The following CREBBP variants were observed in gnomAD, a reference collection of about 807,000 sequenced individuals.
CREBBP encodes CREB-binding protein.
CREBBP carries 19 observed loss-of-function variants against 265.0 expected under a neutral mutation model. The ratio of observed to expected loss-of-function variants is 0.07; its 90% CI spans 0.05 to 0.11. CREBBP has a LOEUF of 0.11. Ranked by LOEUF, CREBBP falls within the 10% of genes least tolerant of loss-of-function variation. The pLI is 1.00. For synonymous variants in CREBBP, 1,457 were observed against 1,223.7 expected (o/e 1.19, Z -3.98); for missense variants, 2,525 against 3,219.0 (o/e 0.78, Z 5.22).
rs1405660058 is a variant in CREBBP at position 3,725,787 on chromosome 16, G to A, written c.*1931C>T. On this transcript the variant is annotated 3_prime_UTR_variant, in exon 31 of 31. Transcript: ENST00000262367. Reference sequence around the variant, plus strand: ...AGCTATTTAAAACCTATCTGTGAATGTAAGGGCCCAAACGGAAGCTATTTG... The same window carrying A: ...AGCTATTTAAAACCTATCTGTGAATATAAGGGCCCAAACGGAAGCTATTTG... 3.4e-5 allele frequency: 8 copies of A among 233,120 alleles called. No individual in the cohort carries two copies. Among genetic ancestry groups the A allele is most frequent in the Non-Finnish European group, 6.8e-5 (8 of 118,020 alleles). 14.4% of individuals were successfully genotyped at this position (233,120 alleles called of 1,614,324 possible).
chr16:3,805,904 T>C (rs1467563545), intron 3 of CREBBP, among the ~76,000 whole-genome samples: 1 of 152,160 alleles, frequency 6.6e-6, no homozygotes, highest in Non-Finnish European at 1.5e-5. Context: ...TTAAGAATTA[T>C]CTGAGTTATA....
intron 16 of CREBBP, among the ~76,000 whole-genome samples, chr16:3,763,000 TC>T (rs1302809332): frequency 1.3e-5 from 2 of 151,302 alleles, no homozygotes; most frequent in Non-Finnish European, 2.9e-5. Context: ...GGTCTCGATC[TC>T]CCGACCTCGT....
intron 16 of CREBBP, among the ~76,000 whole-genome samples, chr16:3,765,683 T>C (rs2052834160): frequency 6.6e-6 from 1 of 152,182 alleles, no homozygotes; most frequent in Admixed American, 6.5e-5. Context: ...GGCCTCACTC[T>C]GTCACTTAGG....
chr16:3,777,993 A>G lies in CREBBP; in HGVS notation c.2113+18T>C. The G allele has an allele frequency of 6.2e-7, 1 of 1,613,728 alleles. No individual in the cohort carries two copies. The highest frequency in any genetic ancestry group is 8.5e-7 in the Non-Finnish European group (1 of 1,179,574). ...AGGAAACAGGCTAAGGGATGGCAGT[A>G]GGAAATAAAATCCTTACTTGGAGGT... is the stretch of plus-strand genomic sequence containing the variant. On this transcript the variant is annotated intron_variant, in intron 10 of 30. Coordinates refer to ENST00000262367, the MANE Select transcript of CREBBP (RefSeq NM_004380.3).
chr16:3,770,416 G>C (rs1318438988), intron 14 of CREBBP, among the ~76,000 whole-genome samples, 154 bp downstream of exon 14: 1 of 151,898 alleles, frequency 6.6e-6, no homozygotes, highest in Non-Finnish European at 1.5e-5. Context: ...GGATGGTCTT[G>C]AACTCATGGG....
rs147806945 is a variant in CREBBP, at chr16:3,822,904, C to T, written c.799-12125G>A. On this transcript the variant is annotated intron_variant, in intron 2 of 30. Coordinates refer to ENST00000262367, the MANE Select transcript of CREBBP (RefSeq NM_004380.3). The stretch of plus-strand genomic sequence containing the variant: ...GGCTCAGTCCGCTGCAGTCTCTGTG[C>T]CTTGTTTCGAGAGAATACACAGGAA... 2.6e-3 allele frequency among the ~76,000 whole-genome samples: 389 copies of T among 152,236 alleles called. 1 individual carries two copies. The highest frequency in any genetic ancestry group is 8.7e-3 in the African/African-American group (363 of 41,546).
chr16:3,740,933 C>T lies in CREBBP; in HGVS notation c.3983-384G>A, dbSNP rs902891657. ...ATGGCACACCCTCAGTGGGCTCCTC[C>T]TGCCCAGCTCTGAGGAGAAAGTCCC... On this transcript the variant is annotated intron_variant, in intron 23 of 30. Transcript: ENST00000262367. The T allele has an allele frequency of 1.9e-5, 7 of 359,088 alleles. No individual in the cohort carries two copies. In the Admixed American group the frequency reaches 2.3e-4, roughly 12 times the overall value. The allele number at this position is 359,088 out of a possible 1,614,324, so 22.2% of individuals were successfully genotyped here.
chr16:3,763,668 T>C (rs1177868761), intron 16 of CREBBP, among the ~76,000 whole-genome samples: 1 of 152,126 alleles, frequency 6.6e-6, no homozygotes, highest in Admixed American at 6.5e-5. Context: ...TTCGCCATGT[T>C]GGCCAGGCTG....
chr16:3,797,492 ATAAAGTT>A (rs1237746151), intron 3 of CREBBP, among the ~76,000 whole-genome samples: 1 of 152,188 alleles, frequency 6.6e-6, no homozygotes, highest in Admixed American at 6.5e-5. Context: ...CACACCTATG[ATAAAGTT>A]TAATTTATAA....
chr16:3,767,915 G>C lies in CREBBP; in HGVS notation c.3061-6C>G, dbSNP rs370316646. On this transcript the variant is annotated splice_region_variant and splice_polypyrimidine_tract_variant and intron_variant, in intron 15 of 30. Transcript: ENST00000262367. The stretch of plus-strand genomic sequence containing the variant: ...TGCAAATCCTCCTCCATCATCTTGA[G>C]AAAAACATTACAGATAACATATGAA... The C allele has an allele frequency of 6.3e-5, 101 of 1,613,568 alleles. No individual in the cohort carries two copies. Among genetic ancestry groups the C allele is most frequent in the Admixed American group, 8.3e-5 (5 of 59,990 alleles).
chr16:3,756,455 ACTCT>A (rs1052797511), intron 19 of CREBBP, among the ~76,000 whole-genome samples: 3 of 152,012 alleles, frequency 2.0e-5, no homozygotes, highest in Non-Finnish European at 4.4e-5. Context: ...TACTATTCTC[ACTCT>A]CTACCTATTT....
chr16:3,758,380 G>T (rs944915407), intron 17 of CREBBP, among the ~76,000 whole-genome samples: 1 of 152,212 alleles, frequency 6.6e-6, no homozygotes, highest in African/African-American at 2.4e-5. Context: ...TTATCAAACA[G>T]TGTGTATTTC....
At chr16:3,744,340 C>T (rs1008375614) in intron 23 of CREBBP, among the ~76,000 whole-genome samples, 3 of 152,222 alleles carry the variant, frequency 2.0e-5, no homozygotes, top group African/African-American at 7.2e-5. Context: ...CAACATTACA[C>T]CACACATGCA....
At chr16:3,831,556 A>T (rs1052971545) in intron 2 of CREBBP, among the ~76,000 whole-genome samples, 1 of 152,218 alleles carries the variant, frequency 6.6e-6, no homozygotes, top group Non-Finnish European at 1.5e-5. Flanking sequence ...GAAATAAATG[A>T]CATAGAAAAC....
chr16:3,744,611 A>C (rs1174998187), intron 23 of CREBBP, among the ~76,000 whole-genome samples: 1 of 152,182 alleles, frequency 6.6e-6, no homozygotes, highest in Non-Finnish European at 1.5e-5. Context: ...CGTGGCTGAG[A>C]TGACCATTCT....
chr16:3,828,686 CA>C (rs909046448), intron 2 of CREBBP, among the ~76,000 whole-genome samples: 3 of 152,110 alleles, frequency 2.0e-5, no homozygotes, highest in African/African-American at 4.8e-5. Flanking sequence ...GTATTACAGA[CA>C]AAATGATGCA....
At chr16:3,830,525 T>C (rs2054322435) in intron 2 of CREBBP, among the ~76,000 whole-genome samples, 1 of 152,126 alleles carries the variant, frequency 6.6e-6, no homozygotes, top group South Asian at 2.1e-4. Flanking sequence ...TTCATAATGA[T>C]AAAAGGCTAA....
intron 5 of CREBBP, among the ~76,000 whole-genome samples, chr16:3,783,578 A>G (rs1436993631): frequency 1.3e-5 from 2 of 152,258 alleles, no homozygotes; most frequent in Non-Finnish European, 2.9e-5. Flanking sequence ...AAGCTGTTCA[A>G]GAAATACTGT....
chr16:3,828,670 A>AT (rs758384003), intron 2 of CREBBP, among the ~76,000 whole-genome samples: 17 of 152,368 alleles, frequency 1.1e-4, no homozygotes, highest in Non-Finnish European at 1.9e-4. Flanking sequence ...TAGTTTGAAT[A>AT]CAGCTGTATT....
Sources: allele counts gnomAD v4.1 joint callset (sites outside exome capture counted in the v4.1 genomes callset), GRCh38; gene constraint gnomAD v4.1.1; transcripts MANE v1.5; gene names NCBI Gene and HGNC (gene_info 2026-07-23, HGNC 2026-07-21).